AFG1L: variants seen among roughly 807,000 people sequenced by gnomAD.
AFG1L encodes AFG1-like ATPase.
AFG1L carries 53 observed loss-of-function variants against 62.2 expected under a neutral mutation model. The ratio of observed to expected loss-of-function variants is 0.85; its 90% confidence interval spans 0.68 to 1.07. AFG1L has a LOEUF of 1.07. Among genes scored for constraint, AFG1L ranks in the 50% least tolerant of loss-of-function variants. The pLI, the probability that AFG1L is intolerant of heterozygous loss-of-function variation, is 0.00. For synonymous variants in AFG1L, 228 were observed against 210.3 expected (o/e 1.08, Z -0.73); for missense variants, 555 against 590.5 (o/e 0.94, Z 0.62).
chr6:108,508,641 T>G (rs1331815334), intron 10 of AFG1L, among the ~76,000 whole-genome samples: 1 of 152,148 alleles, frequency 6.6e-6, no homozygotes, highest in African/African-American at 2.4e-5. Context: ...GAACCACTTC[T>G]CCAGAACCTA....
chr6:108,385,113 A>C (rs1306714914), intron 6 of AFG1L, among the ~76,000 whole-genome samples: 1 of 152,274 alleles, frequency 6.6e-6, no homozygotes, highest in Non-Finnish European at 1.5e-5. Flanking sequence ...AGCACACTTT[A>C]GTAAAACTGC....
intron 2 of AFG1L, among the ~76,000 whole-genome samples, chr6:108,344,044 G>T (rs1477978999): frequency 6.6e-6 from 1 of 152,176 alleles, no homozygotes; most frequent in African/African-American, 2.4e-5. Context: ...GCTTTGGGAG[G>T]CCTAGGCAGC....
At chr6:108,388,471 G>T (rs1780874175) in intron 6 of AFG1L, among the ~76,000 whole-genome samples, 1 of 151,770 alleles carries the variant, frequency 6.6e-6, no homozygotes, top group South Asian at 2.1e-4. Context: ...GTGATGTTAG[G>T]GTGTCAATTT....
intron 7 of AFG1L, among the ~76,000 whole-genome samples, chr6:108,442,823 C>T (rs1002151888): frequency 6.6e-5 from 10 of 152,116 alleles, no homozygotes; most frequent in Non-Finnish European, 1.3e-4. Context: ...CAGAAACCCC[C>T]CTTAGTCTTG....
chr6:108,439,918 G>A (rs1313295505), intron 7 of AFG1L, among the ~76,000 whole-genome samples: 1 of 152,052 alleles, frequency 6.6e-6, no homozygotes, highest in African/African-American at 2.4e-5. Context: ...AGTTAGTACA[G>A]TATGCAATTA....
At chr6:108,359,074 C>A (rs1779416282) in intron 5 of AFG1L, 1 of 152,082 alleles carries the variant, frequency 6.6e-6, no homozygotes, top group East Asian at 1.9e-4. Context: ...AATAATGACT[C>A]CAGCCTGTAT....
intron 6 of AFG1L, among the ~76,000 whole-genome samples, chr6:108,400,001 A>T (rs1781498664): frequency 6.6e-6 from 1 of 151,060 alleles, no homozygotes; most frequent in African/African-American, 2.4e-5. Flanking sequence ...CTGGTCCTGA[A>T]CTCCTGGACT....
At chr6:108,462,356 A>G (rs1008536555) in intron 8 of AFG1L, among the ~76,000 whole-genome samples, 30 of 152,004 alleles carry the variant, frequency 2.0e-4, no homozygotes, top group Non-Finnish European at 3.7e-4. Context: ...GTGAGCCATG[A>G]TTGTGCCACT....
At chr6:108,326,178 C>G (rs2114316781) in intron 2 of AFG1L, among the ~76,000 whole-genome samples, 1 of 152,300 alleles carries the variant, frequency 6.6e-6, no homozygotes, top group Non-Finnish European at 1.5e-5. Context: ...CCAAGTGATT[C>G]TCCTCCCGCA....
At chr6:108,487,618 A>C (rs1045664882) in intron 10 of AFG1L, among the ~76,000 whole-genome samples, 24 of 152,204 alleles carry the variant, frequency 1.6e-4, no homozygotes, top group African/African-American at 5.3e-4. Context: ...TAACTACATA[A>C]TATGAGTGTA....
chr6:108,352,498 T>A (rs1233424530), intron 3 of AFG1L, among the ~76,000 whole-genome samples: 3 of 152,234 alleles, frequency 2.0e-5, no homozygotes, highest in Non-Finnish European at 4.4e-5. Context: ...AGATTACTTA[T>A]AACAATGTAA....
intron 2 of AFG1L, among the ~76,000 whole-genome samples, chr6:108,329,663 A>G (rs1778195566): frequency 6.6e-6 from 1 of 152,168 alleles, no homozygotes; most frequent in Admixed American, 6.5e-5. Flanking sequence ...AAAAGTATAT[A>G]AAACTTTAGT....
intron 5 of AFG1L, 143 bp downstream of exon 5, chr6:108,356,963 G>A: frequency 1.4e-6 from 1 of 712,372 alleles, no homozygotes; most frequent in African/African-American, 1.8e-5. Context: ...ATCTAGTTCA[G>A]GAGCTGGCAA....
chr6:108,503,741 C>G (rs1048005436), intron 10 of AFG1L, among the ~76,000 whole-genome samples: 4 of 152,216 alleles, frequency 2.6e-5, no homozygotes, highest in African/African-American at 9.6e-5. Flanking sequence ...ATTGACTTCC[C>G]TCTAGCTATG....
intron 7 of AFG1L, among the ~76,000 whole-genome samples, chr6:108,431,142 C>T (rs1771051726): frequency 6.6e-6 from 1 of 151,140 alleles, no homozygotes; most frequent in Non-Finnish European, 1.5e-5. Flanking sequence ...TTGCTCATGT[C>T]ACCCAGGCTG....
intron 10 of AFG1L, among the ~76,000 whole-genome samples, chr6:108,477,739 C>A (rs1171126812): frequency 6.6e-6 from 1 of 152,030 alleles, no homozygotes; most frequent in Non-Finnish European, 1.5e-5. Context: ...CCTACTAGGG[C>A]CAGGGTCAAA....
At chr6:108,371,147 A>C (rs1408035191) in intron 6 of AFG1L, among the ~76,000 whole-genome samples, 2 of 152,166 alleles carry the variant, frequency 1.3e-5, no homozygotes, top group African/African-American at 4.8e-5. Context: ...ACCCCAAATC[A>C]GTATAAGCTT....
At chr6:108,445,814 T>C (rs1196332561) in intron 7 of AFG1L, among the ~76,000 whole-genome samples, 4 of 152,090 alleles carry the variant, frequency 2.6e-5, no homozygotes, top group African/African-American at 9.7e-5. Flanking sequence ...TCACATAATA[T>C]GTGATCACCG....
chr6:108,304,267 T>G (rs1183410789), intron 1 of AFG1L, among the ~76,000 whole-genome samples: 1 of 152,254 alleles, frequency 6.6e-6, no homozygotes, highest in Non-Finnish European at 1.5e-5. Flanking sequence ...TATTCTGTAC[T>G]TTGTTTATTC....
Sources: allele counts gnomAD v4.1 joint callset (sites outside exome capture counted in the v4.1 genomes callset), GRCh38; gene constraint gnomAD v4.1.1; transcripts MANE v1.5; gene names NCBI Gene and HGNC (gene_info 2026-07-23, HGNC 2026-07-21).